The following MGST1 variants were observed in gnomAD, a reference collection of about 807,000 sequenced individuals.
The protein encoded by MGST1 is microsomal glutathione S-transferase 1, also known as glutathione S-transferase 12.
In MGST1, 5 loss-of-function variants were observed where a neutral mutation model predicts 8.9. That is an observed-to-expected ratio of 0.56 (90% CI 0.29 to 1.19). The LOEUF is 1.19. MGST1 is among the 50% of genes most tolerant of loss of function. The probability of loss-of-function intolerance (pLI) is 0.08; values close to 1 mark genes in which losing one functional copy is unlikely to be tolerated. For synonymous variants in MGST1, 54 were observed against 67.8 expected, an observed-to-expected ratio of 0.80 and a Z score of 1.00; for missense variants, 182 against 187.4, an observed-to-expected ratio of 0.97 and a Z score of 0.17.
intron 4 of MGST1, among the ~76,000 whole-genome samples, chr12:16,457,442 T>C (rs1847741418): frequency 6.6e-6 from 1 of 151,942 alleles, no homozygotes; most frequent in African/African-American, 2.4e-5. Context: ...AGAGGCACAG[T>C]AGGAATGATG....
In MGST1 at chr12:16,376,274, A is replaced by T. The variant is rs968396558; in HGVS notation, c.*110A>T. ...TATCTTTTCAACATCTAATGAGTTAATGGATTCAAGCAAAGATTATCCACG... is the reference window on the plus strand; with the variant it reads ...TATCTTTTCAACATCTAATGAGTTATTGGATTCAAGCAAAGATTATCCACG... On this transcript the variant is annotated 3_prime_UTR_variant, in exon 4 of 4. Transcript: ENST00000535309. 2.1e-5 allele frequency: 11 copies of T among 534,076 alleles called. No homozygotes were observed. In the East Asian group the frequency reaches 2.2e-4, roughly 10 times the overall value. 33.1% of individuals were successfully genotyped at this position (534,076 alleles called of 1,614,324 possible).
chr12:16,393,909 A>C (rs751753108), intron 1 of MGST1, among the ~76,000 whole-genome samples: 2 of 152,198 alleles, frequency 1.3e-5, no homozygotes, highest in African/African-American at 4.8e-5. Flanking sequence ...CTAGACCACA[A>C]TTTCTTTATC....
At chr12:16,535,050 C>T (rs374486701) in intron 4 of MGST1, among the ~76,000 whole-genome samples, 4 of 152,192 alleles carry the variant, frequency 2.6e-5, no homozygotes, top group African/African-American at 7.2e-5. Context: ...TGCCTCTGGT[C>T]CCCCTTAGGG....
rs577528996 is a variant in MGST1, at chr12:16,419,012, C to T, written n.779-18376C>T. 2.6e-5 allele frequency among the ~76,000 whole-genome samples: 4 copies of T among 152,162 alleles called. No homozygotes were observed. In the South Asian group the frequency reaches 8.3e-4, roughly 32 times the overall value. ...ATTATTGATGTCCAGGCTCATGTGG[C>T]CTATTCAGAGACGGTAGCTCTACTC... On this transcript the variant is annotated intron_variant and non_coding_transcript_variant, in intron 1 of 1. Coordinates refer to the MGST1 transcript ENST00000359720.
At position 16,401,102 on chromosome 12, in the gene MGST1, C is replaced by G; in HGVS notation, n.778+17498C>G. On this transcript the variant is annotated intron_variant and non_coding_transcript_variant, in intron 1 of 1. Coordinates refer to the MGST1 transcript ENST00000359720. This position sits in a 1 kb window ranked among gnomAD's most constrained non-coding sequence, Gnocchi z 4.3. ...TCCTCTGCCTCATCTTTCTCCTCCT[C>G]CTCCTTTTCCTCATCTTCGTTCCTT... 6.3e-7 allele frequency: 1 copy of G among 1,583,748 alleles called. No homozygotes were observed. Among genetic ancestry groups the G allele is most frequent in the Non-Finnish European group, 8.7e-7 (1 of 1,153,030 alleles).
At chr12:16,549,732 C>T (rs1941916663) in intron 4 of MGST1, 2 of 152,022 alleles carry the variant, frequency 1.3e-5, no homozygotes, top group Admixed American at 1.3e-4. Flanking sequence ...AAAAGTAGTT[C>T]TATTACAGGG....
rs1428437466 is a variant in MGST1 at position 16,503,803 on chromosome 12, T to C, written n.483-85725T>C. ...TGGAAGTTACCACCCTTTTTCTAGA[T>C]ATTTCTGTGTAATTTCCTCCTTAAT... On this transcript the variant is annotated intron_variant and non_coding_transcript_variant, in intron 4 of 4. Coordinates refer to the MGST1 transcript ENST00000538857. The surrounding 1 kb of genome is among the most constrained non-coding windows in gnomAD (Gnocchi z 4.8). 6.6e-6 allele frequency among the ~76,000 whole-genome samples: 1 copy of C among 152,168 alleles called. No homozygotes were observed. Among genetic ancestry groups the C allele is most frequent in the Non-Finnish European group, 1.5e-5 (1 of 68,032 alleles).
chr12:16,516,052 A>G (rs1318893224), intron 4 of MGST1, among the ~76,000 whole-genome samples: 1 of 152,188 alleles, frequency 6.6e-6, no homozygotes, highest in Non-Finnish European at 1.5e-5. Flanking sequence ...CTGCAAAAAA[A>G]GAGAATTTTA....
chr12:16,590,690 G>A (rs1943465946), downstream of MGST1, among the ~76,000 whole-genome samples: 1 of 151,972 alleles, frequency 6.6e-6, no homozygotes, highest in African/African-American at 2.4e-5. Flanking sequence ...TGTGTTGGCA[G>A]TCCTAGCTCA....
intron 4 of MGST1, among the ~76,000 whole-genome samples, chr12:16,518,872 G>A (rs1265953961): frequency 6.6e-6 from 1 of 152,176 alleles, no homozygotes; most frequent in Non-Finnish European, 1.5e-5. Flanking sequence ...CCTACTTGGA[G>A]GCCTGAGGAC....
At chr12:16,377,990 GTTGT>G (rs572554017), downstream of MGST1, among the ~76,000 whole-genome samples, 351 of 151,668 alleles carry the variant, frequency 2.3e-3, 3 homozygotes, top group African/African-American at 7.8e-3. Flanking sequence ...TTTTGATGGG[GTTGT>G]TTGTTTTTTT....
At chr12:16,369,204 T>A (rs1185986155), downstream of MGST1, among the ~76,000 whole-genome samples, 2 of 152,178 alleles carry the variant, frequency 1.3e-5, no homozygotes, top group Non-Finnish European at 2.9e-5. The surrounding 1 kb of genome is among the most constrained non-coding windows in gnomAD (Gnocchi z 4.8). Context: ...CTGCCTGAGA[T>A]AATGACTGAG....
intron 4 of MGST1, among the ~76,000 whole-genome samples, chr12:16,526,707 A>C (rs1385899933): frequency 1.3e-5 from 2 of 151,978 alleles, no homozygotes; most frequent in Non-Finnish European, 2.9e-5. Flanking sequence ...TAATAAAACC[A>C]GGTCTTGGGA....
At chr12:16,356,938 C>T (rs1939741599) in intron 2 of MGST1, among the ~76,000 whole-genome samples, 1 of 152,142 alleles carries the variant, frequency 6.6e-6, no homozygotes, top group South Asian at 2.1e-4. Context: ...TGTTAATACA[C>T]TTGAGGGAAG....
intron 4 of MGST1, chr12:16,573,366 CA>C: frequency 6.6e-6 from 1 of 152,260 alleles, no homozygotes; most frequent in South Asian, 2.1e-4. Flanking sequence ...AATCATTTGA[CA>C]GCTGATATTC....
chr12:16,352,181 G>A (rs1203966393), intron 1 of MGST1, among the ~76,000 whole-genome samples: 1 of 152,136 alleles, frequency 6.6e-6, no homozygotes, highest in African/African-American at 2.4e-5. Context: ...GGTGATGAAA[G>A]TAGTGTACAT....
rs1436844617 is a variant in MGST1, at chr12:16,482,385, C to T, written n.482+98781C>T. The stretch of plus-strand genomic sequence containing the variant: ...CAGTGGCTCACGCCTGTAATCTTAG[C>T]ACTTTAGGAGGCCAAGACAGGTGGA... On this transcript the variant is annotated intron_variant and non_coding_transcript_variant, in intron 4 of 4. Coordinates refer to the MGST1 transcript ENST00000538857. This position sits in a 1 kb window ranked among gnomAD's most constrained non-coding sequence, Gnocchi z 4.2. Among the ~76,000 whole-genome samples, 1 of 152,166 alleles carries T rather than the reference C, an allele frequency of 6.6e-6. No individual in the cohort carries two copies. The highest frequency in any genetic ancestry group is 1.5e-5 in the Non-Finnish European group (1 of 68,028).
intron 4 of MGST1, among the ~76,000 whole-genome samples, chr12:16,553,321 G>A (rs1485263504): frequency 6.6e-6 from 1 of 152,058 alleles, no homozygotes; most frequent in African/African-American, 2.4e-5. Context: ...TTACCTGAGG[G>A]CAGTAAAGCA....
In MGST1 at chr12:16,401,273, A is replaced by G; in HGVS notation, n.778+17669A>G. On this transcript the variant is annotated intron_variant and non_coding_transcript_variant, in intron 1 of 1. Coordinates refer to the MGST1 transcript ENST00000359720. The surrounding 1 kb of genome is among the most constrained non-coding windows in gnomAD (Gnocchi z 4.3). ...TTCCCCTCCTTGTTAGTCAGGTCTG[A>G]GAATCCCAAACTGATGCTGAAAACC... The G allele has an allele frequency of 6.4e-7, 1 of 1,558,218 alleles. No homozygotes were observed. The highest frequency in any genetic ancestry group is 8.8e-7 in the Non-Finnish European group (1 of 1,131,996).
Sources: gnomAD v4.1 joint callset for allele counts (sites outside exome capture counted in the v4.1 genomes callset) on GRCh38, gnomAD v4.1.1 for gene constraint, Gnocchi (gnomAD v3.1) non-coding constraint, MANE v1.5 for transcripts, NCBI Gene and HGNC (gene_info 2026-07-23, HGNC 2026-07-21) for gene names.